RIMS2: variants seen among roughly 807,000 people sequenced by gnomAD.
The protein encoded by RIMS2 is regulating synaptic membrane exocytosis protein 2.
A neutral mutation model predicts 174.4 loss-of-function variants in RIMS2; 59 were observed. The ratio of observed to expected loss-of-function variants is 0.34; its 90% confidence interval spans 0.27 to 0.42. The LOEUF is 0.42. RIMS2 is among the 10% of genes least tolerant of loss of function. The probability of loss-of-function intolerance (pLI) is 1.00; values close to 1 mark genes in which losing one functional copy is unlikely to be tolerated. For synonymous variants in RIMS2, 606 were observed against 572.5 expected (o/e 1.06, Z -0.84); for missense variants, 1,620 against 1,666.3 (o/e 0.97, Z 0.48).
chr8:104,084,276 A>G (rs900711673), intron 19 of RIMS2, among the ~76,000 whole-genome samples: 5 of 151,900 alleles, frequency 3.3e-5, no homozygotes, highest in Non-Finnish European at 5.9e-5. Context: ...CACCATCTCT[A>G]CTAAAAATAC....
chr8:103,733,298 A>G (rs1012828828), intron 2 of RIMS2, among the ~76,000 whole-genome samples: 3 of 152,046 alleles, frequency 2.0e-5, no homozygotes, highest in Admixed American at 6.6e-5. Context: ...ACTGGTATCC[A>G]TGTTGCAAGA....
chr8:103,841,215 A>G (rs915585001), intron 3 of RIMS2, among the ~76,000 whole-genome samples: 1 of 152,178 alleles, frequency 6.6e-6, no homozygotes, highest in Non-Finnish European at 1.5e-5. Context: ...CACTACATAC[A>G]TTTTTATCAG....
At chr8:103,860,382 GTTGT>G (rs1402621452) in intron 3 of RIMS2, among the ~76,000 whole-genome samples, 7 of 152,074 alleles carry the variant, frequency 4.6e-5, no homozygotes, top group African/African-American at 1.7e-4. Context: ...TCTTCATGGA[GTTGT>G]TTGTGAGAAT....
In RIMS2 at chr8:103,604,047, G is replaced by A. The variant is rs1169209062; in HGVS notation, c.177-93039G>A. ...TTTGTCTTTTGTTGCCATTGCTTTT[G>A]GTGTTTTAGACATGAAGTCCTTGCC... On this transcript the variant is annotated intron_variant, in intron 1 of 23. Transcript: ENST00000504942. 3.3e-5 allele frequency among the ~76,000 whole-genome samples: 5 copies of A among 149,598 alleles called. No individual in the cohort carries two copies. The East Asian group carries it at 9.6e-4, about 29-fold the overall frequency.
At chr8:103,859,405 G>C (rs1356512692) in intron 3 of RIMS2, among the ~76,000 whole-genome samples, 24 of 151,986 alleles carry the variant, frequency 1.6e-4, no homozygotes, top group Admixed American at 1.3e-3. Flanking sequence ...CCCCACTGAA[G>C]GCCAAATGAA....
In RIMS2 at chr8:103,965,267, T is replaced by C. The variant is rs553610829; in HGVS notation, c.2770+4134T>C. ...GGGAAGATTGGACATCTTGACAATATTGAGTATTCCTTTATATGGAATATC... is the reference window on the plus strand; with the variant it reads ...GGGAAGATTGGACATCTTGACAATACTGAGTATTCCTTTATATGGAATATC... On this transcript the variant is annotated intron_variant, in intron 15 of 23. Coordinates refer to ENST00000504942, the Ensembl canonical transcript of RIMS2. Among the ~76,000 whole-genome samples, 7 of 152,320 alleles carry C rather than the reference T, an allele frequency of 4.6e-5. No homozygotes were observed. In the South Asian group the frequency reaches 1.0e-3, roughly 23 times the overall value.
intron 19 of RIMS2, among the ~76,000 whole-genome samples, chr8:104,059,534 C>T (rs1178009993): frequency 6.8e-6 from 1 of 146,382 alleles, no homozygotes; most frequent in African/African-American, 2.5e-5. Context: ...ATTTGACTTC[C>T]TCTTTTCCTA....
chr8:103,527,202 A>G (rs929089562), intron 1 of RIMS2, among the ~76,000 whole-genome samples: 1 of 152,218 alleles, frequency 6.6e-6, no homozygotes, highest in African/African-American at 2.4e-5. Context: ...TATCAGACAT[A>G]TAAAGCCAGA....
At chr8:104,103,991 G>T (rs2097969724) in intron 19 of RIMS2, among the ~76,000 whole-genome samples, 1 of 152,146 alleles carries the variant, frequency 6.6e-6, no homozygotes, top group African/African-American at 2.4e-5. Context: ...GACTGAGAAG[G>T]CAAACCTACT....
At chr8:103,610,109 C>T (rs1019792796) in intron 1 of RIMS2, among the ~76,000 whole-genome samples, 1 of 152,202 alleles carries the variant, frequency 6.6e-6, no homozygotes, top group Non-Finnish European at 1.5e-5. Context: ...AATGGAACTG[C>T]ATTCTTAATT....
chr8:103,993,148 A>G lies in RIMS2; in HGVS notation c.3044+3727A>G, dbSNP rs62527134. 6.0e-3 allele frequency among the ~76,000 whole-genome samples: 907 copies of G among 152,168 alleles called. 14 individuals are homozygous for G. The highest frequency in any genetic ancestry group is 7.3e-3 in the Non-Finnish European group (495 of 67,980). ...TATATATTTTAAGAGCTTTTTGTTT[A>G]CTTGAGTTAGTTTACTATTAGAATA... On this transcript the variant is annotated intron_variant, in intron 17 of 23. Transcript: ENST00000504942.
intron 4 of RIMS2, among the ~76,000 whole-genome samples, chr8:103,895,904 A>G (rs62527107): frequency 0.02 from 3,050 of 151,584 alleles, 65 homozygotes; most frequent in Middle Eastern, 0.034. Flanking sequence ...TTTGGGTAGA[A>G]GTTGTGCTCA....
At chr8:103,738,647 A>T (rs898549223) in intron 2 of RIMS2, among the ~76,000 whole-genome samples, 23 of 152,352 alleles carry the variant, frequency 1.5e-4, no homozygotes, top group African/African-American at 5.5e-4. Context: ...ACAAAGAGCT[A>T]ATATCCAGAA....
At chr8:103,960,960 T>C (rs2089828338) in intron 14 of RIMS2, 105 bp from the exon 17 acceptor site, 1 of 725,180 alleles carries the variant, frequency 1.4e-6, no homozygotes, top group Non-Finnish European at 2.5e-6. Context: ...TTTTTTGTTA[T>C]TAACTGATTC....
intron 19 of RIMS2, among the ~76,000 whole-genome samples, chr8:104,154,360 G>C (rs1408551400): frequency 6.6e-6 from 1 of 152,146 alleles, no homozygotes; most frequent in East Asian, 1.9e-4. Context: ...GCCCTGTCCT[G>C]TACAATATGG....
chr8:103,609,424 C>A (rs1345380153), intron 1 of RIMS2, among the ~76,000 whole-genome samples: 1 of 152,118 alleles, frequency 6.6e-6, no homozygotes, highest in Non-Finnish European at 1.5e-5. Flanking sequence ...GTCATGAAGT[C>A]TTGCTAGGTC....
At chr8:104,243,818 G>T (rs939507405) in intron 19 of RIMS2, among the ~76,000 whole-genome samples, 30 of 152,144 alleles carry the variant, frequency 2.0e-4, no homozygotes, top group Non-Finnish European at 2.4e-4. Flanking sequence ...AAATCATTTG[G>T]ACTATCACCC....
At chr8:103,900,425 T>G (rs2099322118) in intron 4 of RIMS2, among the ~76,000 whole-genome samples, 1 of 151,972 alleles carries the variant, frequency 6.6e-6, no homozygotes, top group Non-Finnish European at 1.5e-5. Flanking sequence ...GATTTCACTG[T>G]GTTGGCCAGG....
intron 2 of RIMS2, among the ~76,000 whole-genome samples, chr8:103,706,846 G>T (rs941273540): frequency 2.0e-5 from 3 of 152,022 alleles, no homozygotes; most frequent in Non-Finnish European, 2.9e-5. Flanking sequence ...GGTTTGGAAA[G>T]TTCTCTTATT....
Sources: gnomAD v4.1 joint callset for allele counts (sites outside exome capture counted in the v4.1 genomes callset) on GRCh38, gnomAD v4.1.1 for gene constraint, MANE v1.5 for transcripts, NCBI Gene and HGNC (gene_info 2026-07-23, HGNC 2026-07-21) for gene names.